Variants in ANKFY1 observed in about 807,000 individuals in gnomAD.
ANKFY1 encodes ankyrin repeat and FYVE domain-containing protein 1.
In ANKFY1, 47 loss-of-function variants were observed where a neutral mutation model predicts 128.3. The observed-to-expected ratio is 0.37, with a 90% CI of 0.29 to 0.47. ANKFY1 has a LOEUF of 0.47. Ranked by LOEUF, ANKFY1 falls within the 20% of genes least tolerant of loss-of-function variation. The pLI, the probability that ANKFY1 is intolerant of heterozygous loss-of-function variation, is 1.00. For missense variants in ANKFY1, 1,222 were observed against 1,510.6 expected (o/e 0.81, Z 3.17); for synonymous variants, 553 against 601.6 (o/e 0.92, Z 1.18).
chr17:4,211,043 A>AC lies in ANKFY1; in HGVS notation c.459-1097_459-1096insG, dbSNP rs1199268351. 8.6e-4 allele frequency among the ~76,000 whole-genome samples: 130 copies of AC among 152,026 alleles called. 1 individual carries two copies. The highest frequency in any genetic ancestry group is 3.0e-3 in the African/African-American group (125 of 41,488). The stretch of plus-strand genomic sequence containing the variant: ...TGAGACTCCATCAACAACAACAACA[A>AC]AAAAAATAAAAAGAAAAAAAGAAAA... On this transcript the variant is annotated intron_variant, in intron 4 of 24. Transcript: ENST00000341657.
intron 2 of ANKFY1, among the ~76,000 whole-genome samples, chr17:4,237,059 CCAGGAGGCAGAGGTTG>C: frequency 6.6e-6 from 1 of 152,130 alleles, no homozygotes; most frequent in East Asian, 1.9e-4. Flanking sequence ...TCGCTTGAAC[CCAGGAGGCAGAGGTTG>C]CAGTGAGCCG....
chr17:4,205,167 T>TTTTTTTGATG (rs2059999339), intron 7 of ANKFY1, among the ~76,000 whole-genome samples: 2 of 152,148 alleles, frequency 1.3e-5, no homozygotes. Flanking sequence ...AACAAGTAGA[T>TTTTTTTGATG]TCTCTCTTTG....
At position 4,263,953 on chromosome 17, in the gene ANKFY1, C is replaced by T. The variant is rs114673600; in HGVS notation, c.-12G>A. ...CTACCTTCCGCCATGTCTGGCCCGGCACTGCCTGCAACCTCGCGAGAAGTG... is the reference window on the plus strand; with the variant it reads ...CTACCTTCCGCCATGTCTGGCCCGGTACTGCCTGCAACCTCGCGAGAAGTG... On this transcript the variant is annotated 5_prime_UTR_variant, in exon 1 of 25. Coordinates refer to ENST00000341657, the MANE Select transcript of ANKFY1 (RefSeq NM_001330063.2). The T allele has an allele frequency of 3.6e-4, 578 of 1,614,010 alleles. 4 individuals carry two copies. Among genetic ancestry groups the T allele is most frequent in the Non-Finnish European group, 2.7e-5 (32 of 1,179,958 alleles).
At chr17:4,185,643 T>G (rs2059597601) in intron 11 of ANKFY1, among the ~76,000 whole-genome samples, 1 of 152,188 alleles carries the variant, frequency 6.6e-6, no homozygotes, top group South Asian at 2.1e-4. Flanking sequence ...CACCCTTAGT[T>G]TCTTCAGTGT....
At chr17:4,170,397 T>TC (rs1466646836) in intron 23 of ANKFY1, among the ~76,000 whole-genome samples, 2 of 152,086 alleles carry the variant, frequency 1.3e-5, no homozygotes, top group East Asian at 3.9e-4. Context: ...TGAGTCAGTC[T>TC]CAAGAGGACA....
chr17:4,196,144 TACACACACACACACACAC>T lies in ANKFY1; in HGVS notation c.1104-691_1104-674del, dbSNP rs35005172. Among the ~76,000 whole-genome samples, 245 of 83,950 alleles carry T rather than the reference TACACACACACACACACAC, an allele frequency of 2.9e-3. 1 individual carries two copies. The highest frequency in any genetic ancestry group is 6.3e-3 in the Middle Eastern group (1 of 160). 55.1% of individuals were successfully genotyped at this position (83,950 alleles called of 152,430 possible). A position where few individuals can be genotyped will look rare whatever the true frequency, so the allele number is the denominator to read the frequency against. The stretch of plus-strand genomic sequence containing the variant: ...AGTCAGAGCCCAAGGCTGCATCTAC[TACACACACACACACACAC>T]ACACACACACACACACACACACACA... On this transcript the variant is annotated intron_variant, in intron 8 of 24. Transcript: ENST00000341657.
In ANKFY1 at chr17:4,173,405, A is replaced by G; in HGVS notation, c.2963T>C (p.Ile988Thr). Residue 988 changes from isoleucine (I) to threonine (T), a missense_variant, in exon 21 of 25, where the codon ATC becomes ACC. Ile to Thr is a moderately conservative substitution (Grantham distance 89). Coordinates refer to ENST00000341657, the MANE Select transcript of ANKFY1 (RefSeq NM_001330063.2). ...LAVMHGRLNN[I>T]RVLLTECTVD... ...TGTGCACTCTGTCAGGAGAACCCGGATGTTGTTGAGCCGGCCGTGCATGAC... is the reference window on the plus strand; with the variant it reads ...TGTGCACTCTGTCAGGAGAACCCGGGTGTTGTTGAGCCGGCCGTGCATGAC... 1 of 1,614,134 alleles carries G rather than the reference A, an allele frequency of 6.2e-7. No individual in the cohort carries two copies. The highest frequency in any genetic ancestry group is 8.5e-7 in the Non-Finnish European group (1 of 1,179,992).
In ANKFY1 at chr17:4,251,174, G is replaced by C. The variant is rs1315808489; in HGVS notation, c.11-8726C>G. Reference sequence around the variant, plus strand: ...AATGGTGTGAAGGCATTTCAATGAGGAAAGAACAATGGGACCAGAACAATT... The same window carrying C: ...AATGGTGTGAAGGCATTTCAATGAGCAAAGAACAATGGGACCAGAACAATT... On this transcript the variant is annotated intron_variant, in intron 1 of 24. Transcript: ENST00000341657. 2.0e-5 allele frequency among the ~76,000 whole-genome samples: 3 copies of C among 152,180 alleles called. No homozygotes were observed. In the East Asian group the frequency reaches 5.8e-4, roughly 29 times the overall value.
intron 3 of ANKFY1, among the ~76,000 whole-genome samples, chr17:4,232,603 C>T (rs1381869722): frequency 6.6e-6 from 1 of 152,144 alleles, no homozygotes; most frequent in East Asian, 1.9e-4. Context: ...TCAAAACACG[C>T]TTATTATTTA....
At chr17:4,184,669 G>A (rs2059578357) in intron 12 of ANKFY1, 149 bp downstream of exon 12, 2 of 815,178 alleles carry the variant, frequency 2.5e-6, no homozygotes, top group Non-Finnish European at 4.1e-6. Context: ...CAGACTACAT[G>A]CTTCTCTAGT....
intron 21 of ANKFY1, among the ~76,000 whole-genome samples, 173 bp from the exon 22 acceptor site, chr17:4,172,853 A>G (rs1360258877): frequency 6.6e-6 from 1 of 152,216 alleles, no homozygotes; most frequent in Non-Finnish European, 1.5e-5. Context: ...GTGCATGCAT[A>G]ACAAAAGTTT....
intron 3 of ANKFY1, among the ~76,000 whole-genome samples, chr17:4,224,403 T>C (rs1292320045): frequency 6.6e-6 from 1 of 152,050 alleles, no homozygotes; most frequent in Non-Finnish European, 1.5e-5. Context: ...TTTGTATTTT[T>C]AGTAGAGACG....
At chr17:4,247,969 T>C (rs1281726957) in intron 1 of ANKFY1, among the ~76,000 whole-genome samples, 1 of 152,224 alleles carries the variant, frequency 6.6e-6, no homozygotes, top group Non-Finnish European at 1.5e-5. Context: ...TAGTCAGTCC[T>C]GTGTTGCAAG....
intron 4 of ANKFY1, among the ~76,000 whole-genome samples, chr17:4,211,903 A>G (rs1402916628): frequency 1.0e-4 from 3 of 28,760 alleles, no homozygotes; most frequent in Non-Finnish European, 4.9e-4. Flanking sequence ...AAACAAAACA[A>G]AAACAAACAA....
rs1567916383 is a variant in ANKFY1 at position 4,181,386 on chromosome 17, TAG to T, written c.2122-16_2122-15del. On this transcript the variant is annotated splice_polypyrimidine_tract_variant and intron_variant, in intron 15 of 24. Transcript: ENST00000341657. This position sits in a 1 kb window ranked among gnomAD's most constrained non-coding sequence, Gnocchi z 4.9. The stretch of plus-strand genomic sequence containing the variant: ...GCCATGTCTGACCTGCAGAAAAACA[TAG>T]GTTATTCACAAACACTGCTGAGCAA... 1 of 1,598,130 alleles carries T rather than the reference TAG, an allele frequency of 6.3e-7. No individual in the cohort carries two copies. Among genetic ancestry groups the T allele is most frequent in the Non-Finnish European group, 8.6e-7 (1 of 1,165,512 alleles).
chr17:4,232,434 A>G (rs1055458916), intron 3 of ANKFY1, among the ~76,000 whole-genome samples: 1 of 152,196 alleles, frequency 6.6e-6, no homozygotes, highest in African/African-American at 2.4e-5. Context: ...CCTCTCCCCC[A>G]TAACACATTT....
At chr17:4,183,936 C>G in intron 12 of ANKFY1, 26 bp from the exon 13 acceptor site, 2 of 1,561,420 alleles carry the variant, frequency 1.3e-6, no homozygotes, top group Non-Finnish European at 1.8e-6. Context: ...AGTAAAAGAA[C>G]ACTTGATGTC....
chr17:4,177,284 T>C lies in ANKFY1; in HGVS notation c.2617A>G (p.Asn873Asp). ...AAEQVDNKGR[N>D]FLHVAVQNSD... ...TTCTGAACTGCCACATGAAGGAAAT[T>C]CCGGCCCTTGTTATCCACCTACAGC... is the stretch of plus-strand genomic sequence containing the variant. The change falls in exon 19 of 25, where the codon AAT (asparagine) becomes GAT (aspartate). Residue 873 changes from asparagine (N) to aspartate (D), a missense_variant. Asn to Asp is a conservative substitution (Grantham distance 23). Coordinates refer to ENST00000341657, the MANE Select transcript of ANKFY1 (RefSeq NM_001330063.2). 6.3e-7 allele frequency: 1 copy of C among 1,594,286 alleles called. No individual in the cohort carries two copies. Among genetic ancestry groups the C allele is most frequent in the Non-Finnish European group, 8.5e-7 (1 of 1,170,168 alleles).
chr17:4,200,063 A>ATTTTTTT (rs71383528), intron 7 of ANKFY1, among the ~76,000 whole-genome samples: 6 of 142,916 alleles, frequency 4.2e-5, no homozygotes, highest in Non-Finnish European at 4.6e-5. Context: ...GGTTTTGGGG[A>ATTTTTTT]TTTTTTTTTT....
Sources: allele counts gnomAD v4.1 joint callset (sites outside exome capture counted in the v4.1 genomes callset), GRCh38; gene constraint gnomAD v4.1.1; non-coding constraint Gnocchi (gnomAD v3.1); transcripts MANE v1.5; gene names NCBI Gene and HGNC (gene_info 2026-07-23, HGNC 2026-07-21).